SBNO2: variants seen among roughly 807,000 people sequenced by gnomAD.
The protein encoded by SBNO2 is protein strawberry notch homolog 2.
Under a neutral mutation model 146.3 loss-of-function variants are expected in SBNO2, and 89 were observed. The ratio of observed to expected loss-of-function variants is 0.61; its 90% CI spans 0.51 to 0.73. The LOEUF is 0.73. SBNO2 is among the 30% of genes least tolerant of loss of function. The pLI is 0.00. For synonymous variants in SBNO2, 1,147 were observed against 892.6 expected (o/e 1.29, Z -5.08); for missense variants, 2,092 against 2,003.7 (o/e 1.04, Z -0.84).
In SBNO2 at chr19:1,119,304, T is replaced by A; in HGVS notation, c.1374-140A>T. 3.5e-6 allele frequency: 4 copies of A among 1,135,694 alleles called. No individual in the cohort carries two copies. The South Asian group carries it at 6.0e-5, about 17-fold the overall frequency. 70.4% of individuals were successfully genotyped at this position (1,135,694 alleles called of 1,614,324 possible). ...GGCGGCCACTGAGGCAGTTGGCAGCTGAGCCTGGCGGGGACGGGGCAGGAA... is the reference window on the plus strand; with the variant it reads ...GGCGGCCACTGAGGCAGTTGGCAGCAGAGCCTGGCGGGGACGGGGCAGGAA... On this transcript the variant is annotated intron_variant, in intron 13 of 31. Transcript: ENST00000361757.
At chr19:1,118,391 G>A (rs1026821057) in intron 14 of SBNO2, among the ~76,000 whole-genome samples, 1 of 152,142 alleles carries the variant, frequency 6.6e-6, no homozygotes, top group African/African-American at 2.4e-5. Context: ...GGGCGTGAGG[G>A]GGAGAAAACA....
At chr19:1,154,714 G>A (rs1012535145) in intron 1 of SBNO2, among the ~76,000 whole-genome samples, 1 of 152,192 alleles carries the variant, frequency 6.6e-6, no homozygotes, top group African/African-American at 2.4e-5. Flanking sequence ...CAGACTGTGA[G>A]CAGTGGAGCT....
chr19:1,149,573 G>A lies in SBNO2; in HGVS notation c.94-131C>T, dbSNP rs2080224144. 3 of 770,588 alleles carry A rather than the reference G, an allele frequency of 3.9e-6. No individual in the cohort carries two copies. The East Asian group carries it at 8.1e-5, about 21-fold the overall frequency. 47.7% of individuals were successfully genotyped at this position (770,588 alleles called of 1,614,324 possible). A position where few individuals can be genotyped will look rare whatever the true frequency, so the allele number is the denominator to read the frequency against. On this transcript the variant is annotated intron_variant, in intron 2 of 31. Transcript: ENST00000361757. ...GCAGTCAGGGTCCCATCCCGCCCCT[G>A]CTGGTATCTCCTGGGGAGTCATTTA...
chr19:1,122,406 G>A, intron 10 of SBNO2, 62 bp downstream of exon 10: 1 of 1,526,648 alleles, frequency 6.6e-7, no homozygotes, highest in Non-Finnish European at 8.8e-7. Flanking sequence ...CAGCTGAGCA[G>A]CCCCCACTTT....
intron 8 of SBNO2, 41 bp from the exon 9 acceptor site, chr19:1,122,832 C>T: frequency 6.5e-7 from 1 of 1,537,074 alleles, no homozygotes; most frequent in Non-Finnish European, 8.7e-7. Flanking sequence ...GGGGTGCTGG[C>T]CCGGCCCCTC....
At position 1,140,365 on chromosome 19, in the gene SBNO2, A is replaced by C. The variant is rs897281762; in HGVS notation, c.279+6944T>G. On this transcript the variant is annotated intron_variant, in intron 4 of 31. Coordinates refer to ENST00000361757, the MANE Select transcript of SBNO2 (RefSeq NM_014963.3). This position sits in a 1 kb window ranked among gnomAD's most constrained non-coding sequence, Gnocchi z 4.4. ...CCACAGAACCACGGTTCACCTGCAC[A>C]CCGCGGCAGGGGGCCCCACCAGGAC... 6.6e-5 allele frequency among the ~76,000 whole-genome samples: 10 copies of C among 151,776 alleles called. No homozygotes were observed. Among genetic ancestry groups the C allele is most frequent in the Non-Finnish European group, 1.3e-4 (9 of 67,968 alleles).
Position 1,110,643 on chromosome 19 carries a change from G to T in SBNO2, c.3028+102C>A. The T allele has an allele frequency of 7.3e-7, 1 of 1,362,464 alleles. No individual in the cohort carries two copies. Among genetic ancestry groups the T allele is most frequent in the South Asian group, 1.6e-5 (1 of 63,530 alleles). The allele number at this position is 1,362,464 out of a possible 1,614,324, so 84.4% of individuals were successfully genotyped here. ...CACGAGCCCCTCGCCCACCCGGGATGCCCGGTGTTCCCACGAGCCCCGAGC... is the reference window on the plus strand; with the variant it reads ...CACGAGCCCCTCGCCCACCCGGGATTCCCGGTGTTCCCACGAGCCCCGAGC... On this transcript the variant is annotated intron_variant, in intron 26 of 31. Coordinates refer to ENST00000361757, the MANE Select transcript of SBNO2 (RefSeq NM_014963.3). The surrounding 1 kb of genome is among the most constrained non-coding windows in gnomAD (Gnocchi z 4.9).
At chr19:1,155,485 T>A (rs536306318) in intron 1 of SBNO2, among the ~76,000 whole-genome samples, 1 of 152,204 alleles carries the variant, frequency 6.6e-6, no homozygotes, top group African/African-American at 2.4e-5. Context: ...GCTGGGACCC[T>A]TGGCAGCCCT....
rs1296526089 is a variant in SBNO2, at chr19:1,110,974, G to A, written c.2884+45C>T. 9.9e-6 allele frequency: 16 copies of A among 1,610,264 alleles called. No individual in the cohort carries two copies. Among genetic ancestry groups the A allele is most frequent in the Non-Finnish European group, 1.4e-5 (16 of 1,178,450 alleles). On this transcript the variant is annotated intron_variant, in intron 25 of 31. Transcript: ENST00000361757. This position sits in a 1 kb window ranked among gnomAD's most constrained non-coding sequence, Gnocchi z 4.9. ...ACCACCCGAGGCCAAGGTTGCATGAGATGAGAGACAGGAGCGCCTCTGGGC... is the reference window on the plus strand; with the variant it reads ...ACCACCCGAGGCCAAGGTTGCATGAAATGAGAGACAGGAGCGCCTCTGGGC...
At position 1,118,999 on chromosome 19, in the gene SBNO2, G is replaced by C; in HGVS notation, c.1527+12C>G. On this transcript the variant is annotated intron_variant, in intron 14 of 31. Coordinates refer to ENST00000361757, the MANE Select transcript of SBNO2 (RefSeq NM_014963.3). ...ACGCACAGGGGTCCCCGGGTCGGGT[G>C]CGCAGGCTCACCAGCAGGGCCGCGC... 1 of 1,575,106 alleles carries C rather than the reference G, an allele frequency of 6.3e-7. No homozygotes were observed. Among genetic ancestry groups the C allele is most frequent in the Non-Finnish European group, 8.6e-7 (1 of 1,161,502 alleles).
At chr19:1,162,941 G>A (rs887637108) in intron 1 of SBNO2, among the ~76,000 whole-genome samples, 8 of 152,186 alleles carry the variant, frequency 5.3e-5, no homozygotes, top group East Asian at 1.9e-4. Context: ...CAATGTGGAC[G>A]GGACAGAGCC....
chr19:1,169,365 G>GCGGCCC (rs1482413333), intron 1 of SBNO2, among the ~76,000 whole-genome samples: 1 of 152,238 alleles, frequency 6.6e-6, no homozygotes, highest in Non-Finnish European at 1.5e-5. Context: ...GTGGGACTGA[G>GCGGCCC]CTTCAGGGCC....
chr19:1,109,386 T>C lies in SBNO2; in HGVS notation c.3254A>G (p.Gln1085Arg), dbSNP rs1307392960. The part of the protein sequence containing the change: ...GNKPSCLLAE[Q>R]NRGQFFTVYK... ...CACCGTGAAGAACTGGCCGCGGTTC[T>C]GCTCCGCCAGCAGGCAGCTGGGCTT... is the stretch of plus-strand genomic sequence containing the variant. Residue 1085 changes from glutamine (Q) to arginine (R), a missense_variant, in exon 29 of 32, where the codon CAG becomes CGG. Transcript: ENST00000361757. This position sits in a 1 kb window ranked among gnomAD's most constrained non-coding sequence, Gnocchi z 4.2. 2 of 1,572,442 alleles carry C rather than the reference T, an allele frequency of 1.3e-6. No individual in the cohort carries two copies. Among genetic ancestry groups the C allele is most frequent in the South Asian group, 2.3e-5 (2 of 86,338 alleles).
At position 1,107,957 on chromosome 19, in the gene SBNO2, T is replaced by TGCAG. The variant is rs1171612903; in HGVS notation, c.*262_*263insCTGC. 1.8e-5 allele frequency: 5 copies of TGCAG among 282,242 alleles called. No individual in the cohort carries two copies. Among genetic ancestry groups the TGCAG allele is most frequent in the Non-Finnish European group, 3.3e-5 (5 of 149,716 alleles). The allele number at this position is 282,242 out of a possible 1,614,324, so 17.5% of individuals were successfully genotyped here. ...CCACTGAGCCCTTGTGGGTGCCCAG[T>TGCAG]CCCAGAGCAGCCACCCGGAGCCCCT... is the stretch of plus-strand genomic sequence containing the variant. On this transcript the variant is annotated 3_prime_UTR_variant, in exon 32 of 32. Transcript: ENST00000361757.
At chr19:1,118,195 C>T (rs758098128) in intron 14 of SBNO2, among the ~76,000 whole-genome samples, 26 of 152,030 alleles carry the variant, frequency 1.7e-4, no homozygotes, top group Non-Finnish European at 1.8e-4. Context: ...TAAAATTGGC[C>T]GGGCTGGTGG....
chr19:1,108,187 T>G lies in SBNO2; in HGVS notation c.*33A>C. ...CTGCTCCTAGGGGAGAAACGGTCCCTGTGTCTTGGGGCATGTTTCGCCTAA... is the reference window on the plus strand; with the variant it reads ...CTGCTCCTAGGGGAGAAACGGTCCCGGTGTCTTGGGGCATGTTTCGCCTAA... On this transcript the variant is annotated 3_prime_UTR_variant, in exon 32 of 32. Transcript: ENST00000361757. The G allele has an allele frequency of 6.6e-7, 1 of 1,509,478 alleles. No homozygotes were observed. Among genetic ancestry groups the G allele is most frequent in the Non-Finnish European group, 8.9e-7 (1 of 1,125,356 alleles). The allele number at this position is 1,509,478 out of a possible 1,614,324, so 93.5% of individuals were successfully genotyped here.
intron 4 of SBNO2, chr19:1,131,990 G>A: frequency 2.3e-6 from 2 of 855,500 alleles, no homozygotes; most frequent in East Asian, 6.6e-5. Flanking sequence ...AGGATGAGAT[G>A]CCGGCTGCTC....
intron 23 of SBNO2, 87 bp from the exon 24 acceptor site, chr19:1,111,701 C>T (rs1453418119): frequency 1.9e-5 from 19 of 1,011,070 alleles, no homozygotes; most frequent in Non-Finnish European, 1.5e-5. Flanking sequence ...CCCACCCTCC[C>T]CTAGGCCCCT....
intron 5 of SBNO2, 92 bp from the exon 6 acceptor site, chr19:1,124,114 A>G: frequency 8.3e-7 from 1 of 1,210,966 alleles, no homozygotes; most frequent in Non-Finnish European, 1.2e-6. Context: ...GAGGCTCCCC[A>G]CTGCCCCGTC....
Sources: gnomAD v4.1 joint callset for allele counts (sites outside exome capture counted in the v4.1 genomes callset) on GRCh38, gnomAD v4.1.1 for gene constraint, Gnocchi (gnomAD v3.1) non-coding constraint, MANE v1.5 for transcripts, NCBI Gene and HGNC (gene_info 2026-07-23, HGNC 2026-07-21) for gene names.